Variants in PPP2R2B observed in about 807,000 individuals in gnomAD.
PPP2R2B encodes serine/threonine-protein phosphatase 2A 55 kDa regulatory subunit B beta isoform.
Under a neutral mutation model 46.0 loss-of-function variants are expected in PPP2R2B, and 5 were observed. The observed-to-expected ratio is 0.11, with a 90% confidence interval of 0.06 to 0.23. The LOEUF (loss-of-function observed/expected upper bound fraction) is 0.23. Among genes scored for constraint, PPP2R2B ranks in the 10% least tolerant of loss-of-function variants. The pLI is 1.00. For synonymous variants in PPP2R2B, 215 were observed against 206.7 expected (o/e 1.04, Z -0.34); for missense variants, 367 against 575.0 (o/e 0.64, Z 3.70).
chr5:146,606,733 C>T (rs181525546), intron 7 of PPP2R2B, among the ~76,000 whole-genome samples: 1 of 152,130 alleles, frequency 6.6e-6, no homozygotes, highest in Non-Finnish European at 1.5e-5. Context: ...TGGGCTGCGA[C>T]ACAGACACAT....
intron 4 of PPP2R2B, among the ~76,000 whole-genome samples, chr5:146,692,669 G>A (rs1448793249): frequency 1.3e-5 from 2 of 151,828 alleles, no homozygotes; most frequent in Admixed American, 1.3e-4. Flanking sequence ...GAGTAGGTGG[G>A]ACTACAGGCA....
At chr5:146,737,630 C>T (rs572889419) in intron 2 of PPP2R2B, among the ~76,000 whole-genome samples, 214 of 152,180 alleles carry the variant, frequency 1.4e-3, no homozygotes, top group Non-Finnish European at 2.2e-3. Context: ...TACTAATTTG[C>T]CCCTAAGTAA....
chr5:147,035,300 A>G (rs1755981956), intron 1 of PPP2R2B: 19 of 358,804 alleles, frequency 5.3e-5, no homozygotes, highest in South Asian at 3.7e-4. Context: ...ACACTTTTCA[A>G]CCATTAGATC....
At chr5:146,786,801 C>A (rs765249948) in intron 2 of PPP2R2B, among the ~76,000 whole-genome samples, 28 of 152,130 alleles carry the variant, frequency 1.8e-4, no homozygotes, top group Non-Finnish European at 3.5e-4. Flanking sequence ...ACAGATCAAT[C>A]TTTAGAGAAA....
intron 1 of PPP2R2B, among the ~76,000 whole-genome samples, chr5:146,907,498 G>C (rs1403273076): frequency 6.6e-6 from 1 of 152,180 alleles, no homozygotes; most frequent in Admixed American, 6.5e-5. Flanking sequence ...GAAGGGCAAA[G>C]TCTACAACAG....
At chr5:146,966,149 C>T (rs1286097126) in intron 1 of PPP2R2B, among the ~76,000 whole-genome samples, 1 of 152,200 alleles carries the variant, frequency 6.6e-6, no homozygotes, top group Admixed American at 6.5e-5. Flanking sequence ...AGTTGGTGTT[C>T]TTAGCTAATG....
At chr5:146,976,455 T>G (rs1752910295) in intron 1 of PPP2R2B, among the ~76,000 whole-genome samples, 1 of 152,112 alleles carries the variant, frequency 6.6e-6, no homozygotes, top group African/African-American at 2.4e-5. Context: ...TATAGTTTTA[T>G]GTTTTCCATT....
intron 2 of PPP2R2B, among the ~76,000 whole-genome samples, chr5:146,805,226 G>C (rs757135990): frequency 3.3e-5 from 5 of 152,142 alleles, no homozygotes; most frequent in Non-Finnish European, 7.3e-5. Flanking sequence ...TGGGGACCCT[G>C]AGCCATTTGT....
rs190068954 is a variant in PPP2R2B, at chr5:146,909,932, T to G, written c.79+145733A>C. On this transcript the variant is annotated intron_variant, in intron 1 of 8. Transcript: ENST00000336640. ...GGCTAATTTCTTTAGCAGTTTCATA[T>G]CTGATTGACATCCATTTATCTAATT... 1.3e-5 allele frequency among the ~76,000 whole-genome samples: 2 copies of G among 152,264 alleles called. 1 individual carries two copies. The highest frequency in any genetic ancestry group is 4.1e-4 in the South Asian group (2 of 4,838).
intron 2 of PPP2R2B, among the ~76,000 whole-genome samples, chr5:146,730,354 T>A (rs1752152663): frequency 6.6e-6 from 1 of 152,232 alleles, no homozygotes; most frequent in African/African-American, 2.4e-5. Flanking sequence ...TTACCTTGTC[T>A]CAGATGAGAC....
chr5:146,642,007 G>C (rs1775257081), intron 6 of PPP2R2B, among the ~76,000 whole-genome samples: 1 of 152,218 alleles, frequency 6.6e-6, no homozygotes, highest in Non-Finnish European at 1.5e-5. Flanking sequence ...GGGCTTGACA[G>C]ATCTGTTCTT....
chr5:146,692,113 T>G (rs1778891904), intron 4 of PPP2R2B, among the ~76,000 whole-genome samples: 1 of 152,202 alleles, frequency 6.6e-6, no homozygotes, highest in African/African-American at 2.4e-5. Context: ...ATCTATCTTG[T>G]TTATCACTGT....
chr5:146,735,639 C>A (rs2151212983), intron 2 of PPP2R2B, among the ~76,000 whole-genome samples: 1 of 152,234 alleles, frequency 6.6e-6, no homozygotes, highest in Non-Finnish European at 1.5e-5. Flanking sequence ...AAATATAAAA[C>A]CATGGACGTT....
At chr5:146,743,577 G>A (rs891474804) in intron 2 of PPP2R2B, among the ~76,000 whole-genome samples, 4 of 152,112 alleles carry the variant, frequency 2.6e-5, no homozygotes, top group South Asian at 2.1e-4. Context: ...CCATCCCCAC[G>A]TCTAATCCAG....
At chr5:146,899,142 A>G (rs1248294676) in intron 1 of PPP2R2B, among the ~76,000 whole-genome samples, 1 of 149,588 alleles carries the variant, frequency 6.7e-6, no homozygotes, top group African/African-American at 2.5e-5. Context: ...CCAAAGGACT[A>G]TAAATCATGC....
intron 2 of PPP2R2B, among the ~76,000 whole-genome samples, chr5:146,819,893 T>TA (rs1465265576): frequency 1.3e-5 from 2 of 152,096 alleles, no homozygotes; most frequent in Non-Finnish European, 2.9e-5. Context: ...TATTCAGCCA[T>TA]AAAAAATGAA....
At chr5:146,668,399 C>T (rs552787209) in intron 5 of PPP2R2B, among the ~76,000 whole-genome samples, 1 of 152,106 alleles carries the variant, frequency 6.6e-6, no homozygotes, top group Non-Finnish European at 1.5e-5. Flanking sequence ...AGGCAATGAA[C>T]CCATTTATGT....
intron 1 of PPP2R2B, among the ~76,000 whole-genome samples, chr5:146,908,518 T>A (rs1763074754): frequency 6.7e-6 from 1 of 150,098 alleles, no homozygotes; most frequent in Non-Finnish European, 1.5e-5. Flanking sequence ...AATAAAGAAA[T>A]TGTTAGATTT....
intron 7 of PPP2R2B, among the ~76,000 whole-genome samples, chr5:146,616,724 T>C (rs940468376): frequency 1.3e-5 from 2 of 152,130 alleles, no homozygotes; most frequent in Non-Finnish European, 2.9e-5. Context: ...AAGGCAATAA[T>C]GCTGATGAGG....
Sources: allele counts gnomAD v4.1 joint callset (sites outside exome capture counted in the v4.1 genomes callset), GRCh38; gene constraint gnomAD v4.1.1; transcripts MANE v1.5; gene names NCBI Gene and HGNC (gene_info 2026-07-23, HGNC 2026-07-21).